Variants in PDE1C observed in about 807,000 individuals in gnomAD.
PDE1C encodes the protein phosphodiesterase 1C.
Under a neutral mutation model 93.1 loss-of-function variants are expected in PDE1C, and 62 were observed. The ratio of observed to expected loss-of-function variants is 0.67; its 90% CI spans 0.54 to 0.82. The LOEUF (loss-of-function observed/expected upper bound fraction) is 0.82, where lower values mean the gene tolerates loss of function less well. PDE1C is among the 40% of genes least tolerant of loss of function. The pLI is 0.00. For missense variants in PDE1C, 742 were observed against 884.6 expected (o/e 0.84, Z 2.04); for synonymous variants, 325 against 310.1 (o/e 1.05, Z -0.50).
chr7:32,377,803 C>A (rs147019956), intron 1 of PDE1C, among the ~76,000 whole-genome samples: 1,743 of 152,218 alleles, frequency 0.011, 119 homozygotes, highest in Admixed American at 0.11. Flanking sequence ...AATTCATGCC[C>A]TCCGCCACTA....
At chr7:32,316,744 C>A (rs1271164548) in intron 1 of PDE1C, among the ~76,000 whole-genome samples, 1 of 152,184 alleles carries the variant, frequency 6.6e-6, no homozygotes, top group Non-Finnish European at 1.5e-5. Context: ...TAAAAGAAAG[C>A]AGTTATAGTT....
chr7:31,676,431 C>T, the PDE1C span, among the ~76,000 whole-genome samples: 4 of 151,450 alleles, frequency 2.6e-5, no homozygotes, highest in African/African-American at 9.7e-5. Context: ...TTTAAAACTA[C>T]ACACACACAC....
intron 11 of PDE1C, among the ~76,000 whole-genome samples, chr7:31,833,067 A>G (rs1790626694): frequency 6.6e-6 from 1 of 152,178 alleles, no homozygotes; most frequent in Admixed American, 6.5e-5. Context: ...AGATAATTGA[A>G]TAATGGGGGC....
At chr7:31,653,053 A>C in the PDE1C span, 1 of 1,150,072 alleles carries the variant, frequency 8.7e-7, no homozygotes, top group Non-Finnish European at 1.2e-6. Flanking sequence ...AGAGTATGCA[A>C]CAGTGACTAA....
chr7:32,000,326 C>T (rs1473635386), intron 2 of PDE1C, among the ~76,000 whole-genome samples: 1 of 152,106 alleles, frequency 6.6e-6, no homozygotes. Flanking sequence ...ATAGTGAGAA[C>T]TCAAGACAAG....
Position 32,058,471 on chromosome 7 carries a change from G to A in PDE1C, c.102-6891C>T, listed in dbSNP as rs371567536. ...CACAAATAACCATGAAATGAGTGAG[G>A]ATCTGAACGATCATCTGATCCTCTG... On this transcript the variant is annotated intron_variant, in intron 1 of 17. Transcript: ENST00000396191. Among the ~76,000 whole-genome samples, 13 of 152,346 alleles carry A rather than the reference G, an allele frequency of 8.5e-5. 3 individuals are homozygous for A. Among genetic ancestry groups the A allele is most frequent in the Admixed American group, 6.5e-5 (1 of 15,308 alleles).
chr7:31,651,134 G>A, the PDE1C span: 13 of 1,610,356 alleles, frequency 8.1e-6, no homozygotes, highest in African/African-American at 1.3e-5. Context: ...CTTTCTCATT[G>A]TTCTCAGTGC....
intron 1 of PDE1C, among the ~76,000 whole-genome samples, chr7:32,339,198 A>G (rs1309034655): frequency 6.6e-6 from 1 of 150,812 alleles, no homozygotes; most frequent in Non-Finnish European, 1.5e-5. Flanking sequence ...TCATAATAGG[A>G]CAACTACTGT....
chr7:32,356,597 G>A (rs1229488170), intron 1 of PDE1C, among the ~76,000 whole-genome samples: 1 of 152,128 alleles, frequency 6.6e-6, no homozygotes, highest in Admixed American at 6.5e-5. Context: ...AGCTCCTCTG[G>A]CCACAAAAGA....
In PDE1C at chr7:31,856,682, C is replaced by CTT. The variant is rs35316004; in HGVS notation, c.751-5943_751-5942dup. 1.7e-3 allele frequency among the ~76,000 whole-genome samples: 204 copies of CTT among 121,022 alleles called. 1 individual carries two copies. Among genetic ancestry groups the CTT allele is most frequent in the South Asian group, 8.9e-3 (34 of 3,814 alleles). 79.4% of individuals were successfully genotyped at this position (121,022 alleles called of 152,430 possible). On this transcript the variant is annotated intron_variant, in intron 7 of 17. Transcript: ENST00000396191. ...TACTGAGGTGTAAGAATATAAGAGG[C>CTT]TTTTTTTTTTTTTTTTTGCCAAAGG...
At chr7:32,064,352 G>A (rs1400387096) in intron 1 of PDE1C, among the ~76,000 whole-genome samples, 1 of 152,090 alleles carries the variant, frequency 6.6e-6, no homozygotes, top group African/African-American at 2.4e-5. Flanking sequence ...TCCCTAACGA[G>A]GCAAATAACA....
At chr7:31,933,100 C>A (rs1804547663) in intron 2 of PDE1C, among the ~76,000 whole-genome samples, 2 of 151,840 alleles carry the variant, frequency 1.3e-5, no homozygotes, top group Non-Finnish European at 1.5e-5. Flanking sequence ...AGCATTAGGA[C>A]AAATACCTAA....
At chr7:32,235,169 T>A in intron 1 of PDE1C, among the ~76,000 whole-genome samples, 1 of 151,786 alleles carries the variant, frequency 6.6e-6, no homozygotes, top group Non-Finnish European at 1.5e-5. Context: ...TGAAAGACAA[T>A]GTTTTCCCTT....
intron 1 of PDE1C, among the ~76,000 whole-genome samples, chr7:32,355,081 C>T (rs1217707829): frequency 6.6e-6 from 1 of 152,174 alleles, no homozygotes; most frequent in Non-Finnish European, 1.5e-5. Context: ...TCTCTCAACA[C>T]CCCAAAGCTC....
chr7:31,850,875 G>A, intron 7 of PDE1C, 134 bp from the exon 8 acceptor site: 1 of 667,618 alleles, frequency 1.5e-6, no homozygotes, highest in Non-Finnish European at 2.7e-6. Flanking sequence ...TTTTCTGAGA[G>A]ACAGAAATAA....
chr7:32,013,762 G>C lies in PDE1C; in HGVS notation c.128+37792C>G, dbSNP rs765089702. ...TACATTGATTTATTTATTGTGGCTA[G>C]CAGATACCTAAGAATGTTAGCACAG... On this transcript the variant is annotated intron_variant, in intron 2 of 17. Transcript: ENST00000396191. 1.3e-4 allele frequency among the ~76,000 whole-genome samples: 20 copies of C among 152,208 alleles called. No individual in the cohort carries two copies. In the East Asian group the frequency reaches 2.5e-3, roughly 19 times the overall value.
intron 3 of PDE1C, among the ~76,000 whole-genome samples, chr7:32,082,029 G>A (rs892711945): frequency 3.7e-4 from 57 of 152,224 alleles, no homozygotes; most frequent in African/African-American, 1.3e-3. Flanking sequence ...TGGGTGCAGC[G>A]CACCATGCGC....
At chr7:32,073,863 AAG>A (rs1796201294), upstream of PDE1C, among the ~76,000 whole-genome samples, 1 of 152,246 alleles carries the variant, frequency 6.6e-6, no homozygotes, top group African/African-American at 2.4e-5. Context: ...CAAAAGGTCT[AAG>A]AAAACACAAA....
intron 16 of PDE1C, among the ~76,000 whole-genome samples, chr7:31,794,109 TGGGCAGGCGGGCAGGCAGGC>T (rs1784993848): frequency 3.4e-5 from 5 of 149,028 alleles, no homozygotes; most frequent in East Asian, 2.0e-4. Context: ...GACAGATAGA[TGGGCAGGCGGGCAGGCAGGC>T]AGGCAGACAG....
Sources: allele counts gnomAD v4.1 joint callset (sites outside exome capture counted in the v4.1 genomes callset), GRCh38; gene constraint gnomAD v4.1.1; transcripts MANE v1.5; gene names NCBI Gene and HGNC (gene_info 2026-07-23, HGNC 2026-07-21).